The following RASSF8 variants were observed in gnomAD, a reference collection of about 807,000 sequenced individuals.
RASSF8 encodes ras association domain-containing protein 8.
A neutral mutation model predicts 48.5 loss-of-function variants in RASSF8; 22 were observed. The ratio of observed to expected loss-of-function variants is 0.45; its 90% CI spans 0.32 to 0.65. The LOEUF is 0.65. RASSF8 is among the 30% of genes least tolerant of loss of function. The pLI is 0.03. For synonymous variants in RASSF8, 127 were observed against 171.5 expected (o/e 0.74, Z 2.03); for missense variants, 418 against 489.2 (o/e 0.85, Z 1.37).
rs549477263 is a variant in RASSF8 at position 25,987,021 on chromosome 12, G to T, written c.-202-8016G>T. 3.5e-3 allele frequency among the ~76,000 whole-genome samples: 476 copies of T among 135,850 alleles called. 5 individuals are homozygous for T. Among genetic ancestry groups the T allele is most frequent in the African/African-American group, 0.013 (452 of 34,282 alleles). 89.1% of individuals were successfully genotyped at this position (135,850 alleles called of 152,430 possible). Reference sequence around the variant, plus strand: ...CGCAATCTCAGCTCACCGCAACCTCGCCTCCCGGGTTCAAGCGATTCTCGT... The same window carrying T: ...CGCAATCTCAGCTCACCGCAACCTCTCCTCCCGGGTTCAAGCGATTCTCGT... On this transcript the variant is annotated intron_variant, in intron 1 of 5. Transcript: ENST00000689635.
chr12:26,071,753 C>CA lies in RASSF8; in HGVS notation c.*2938dup, dbSNP rs2137343570. The CA allele has an allele frequency of 1.0e-6, 1 of 983,430 alleles. No individual in the cohort carries two copies. Among genetic ancestry groups the CA allele is most frequent in the Non-Finnish European group, 1.2e-6 (1 of 828,384 alleles). The allele number at this position is 983,430 out of a possible 1,614,324, so 60.9% of individuals were successfully genotyped here. On this transcript the variant is annotated 3_prime_UTR_variant, in exon 6 of 6. Transcript: ENST00000689635. Reference sequence around the variant, plus strand: ...GAGGTAATCATCAATTCCTATAGTTCAAATTAGTCATAAACAAGAGCTACA... The same window carrying CA: ...GAGGTAATCATCAATTCCTATAGTTCAAAATTAGTCATAAACAAGAGCTACA...
chr12:25,996,682 G>A (rs940040104), intron 2 of RASSF8, among the ~76,000 whole-genome samples: 2 of 152,150 alleles, frequency 1.3e-5, no homozygotes, highest in African/African-American at 4.8e-5. Flanking sequence ...ACAGTACAAA[G>A]AGACGCCTTT....
At chr12:25,966,469 C>T (rs1400171111) in intron 1 of RASSF8, among the ~76,000 whole-genome samples, 3 of 152,098 alleles carry the variant, frequency 2.0e-5, no homozygotes, top group Non-Finnish European at 2.9e-5. Context: ...CTTGGCCTCC[C>T]GGTGTTGAGA....
At chr12:25,968,688 G>A (rs1018561662) in intron 1 of RASSF8, among the ~76,000 whole-genome samples, 7 of 152,140 alleles carry the variant, frequency 4.6e-5, no homozygotes, top group Non-Finnish European at 7.4e-5. Context: ...CAAACTGCAT[G>A]CCCCTCCATG....
chr12:26,027,912 G>T (rs1013234795), intron 2 of RASSF8, among the ~76,000 whole-genome samples: 2 of 152,156 alleles, frequency 1.3e-5, no homozygotes, highest in African/African-American at 4.8e-5. Context: ...GAGAAGCCAT[G>T]GAAAACGGGA....
chr12:26,051,270 C>T (rs7965778), intron 2 of RASSF8, among the ~76,000 whole-genome samples: 1,985 of 152,208 alleles, frequency 0.013, 44 homozygotes, highest in African/African-American at 0.046. Context: ...TTTATTTCCA[C>T]AATTGCCAAA....
chr12:26,036,795 A>G (rs947533315), intron 2 of RASSF8, among the ~76,000 whole-genome samples: 18 of 152,124 alleles, frequency 1.2e-4, no homozygotes, highest in African/African-American at 4.3e-4. Flanking sequence ...TTGGTGGCAC[A>G]CGCCCAGCTA....
chr12:26,069,636 G>A lies in RASSF8; in HGVS notation c.*818G>A. The A allele has an allele frequency of 1.0e-6, 1 of 985,370 alleles. No homozygotes were observed. The highest frequency in any genetic ancestry group is 1.2e-6 in the Non-Finnish European group (1 of 829,896). 61.0% of individuals were successfully genotyped at this position (985,370 alleles called of 1,614,324 possible). A position where few individuals can be genotyped will look rare whatever the true frequency, so the allele number is the denominator to read the frequency against. On this transcript the variant is annotated 3_prime_UTR_variant, in exon 6 of 6. Coordinates refer to ENST00000689635, the MANE Select transcript of RASSF8 (RefSeq NM_001394098.1). ...ACATTATGTGTTTTGTTTCTGCCCT[G>A]TCTTATCATTTACACTCATGGATCT... is the stretch of plus-strand genomic sequence containing the variant.
chr12:26,064,469 G>C (rs772805050), intron 3 of RASSF8, 29 bp from the exon 4 acceptor site: 6 of 1,491,276 alleles, frequency 4.0e-6, no homozygotes, highest in Non-Finnish European at 5.4e-6. Context: ...ATCCCATTTT[G>C]ACAAGTTATT....
exon 6 of RASSF8, chr12:26,079,103 G>A: frequency 2.7e-6 from 4 of 1,491,832 alleles, no homozygotes; most frequent in Non-Finnish European, 2.7e-6. Flanking sequence ...GGCAAGAAAA[G>A]CAAAAATGAA....
Position 26,072,504 on chromosome 12 carries a change from A to G in RASSF8, c.*3686A>G. The G allele has an allele frequency of 1.0e-6, 1 of 971,010 alleles. No individual in the cohort carries two copies. Among genetic ancestry groups the G allele is most frequent in the Non-Finnish European group, 1.2e-6 (1 of 816,844 alleles). The allele number at this position is 971,010 out of a possible 1,614,324, so 60.1% of individuals were successfully genotyped here. ...AATTATATTAAACCAGCAGAAATATAAAGGCAATAAAGTATATACATATAT... is the reference window on the plus strand; with the variant it reads ...AATTATATTAAACCAGCAGAAATATGAAGGCAATAAAGTATATACATATAT... On this transcript the variant is annotated 3_prime_UTR_variant, in exon 6 of 6. Transcript: ENST00000689635.
chr12:26,074,603 A>C (rs1944055256), downstream of RASSF8, among the ~76,000 whole-genome samples: 1 of 151,916 alleles, frequency 6.6e-6, no homozygotes, highest in South Asian at 2.1e-4. Context: ...TCGTCCTCCC[A>C]AAATGCTGGG....
intron 2 of RASSF8, among the ~76,000 whole-genome samples, chr12:26,021,724 G>C (rs1942791595): frequency 6.6e-6 from 1 of 152,134 alleles, no homozygotes; most frequent in African/African-American, 2.4e-5. Context: ...ACTGAGAAAG[G>C]CAAGCCAAGA....
intron 2 of RASSF8, among the ~76,000 whole-genome samples, chr12:26,034,160 TG>T (rs1943082942): frequency 1.3e-5 from 2 of 151,516 alleles, no homozygotes; most frequent in South Asian, 2.1e-4. Flanking sequence ...TGGAGTGAGG[TG>T]GGCAAATGGT....
chr12:25,960,204 C>T (rs1592204822), intron 1 of RASSF8, among the ~76,000 whole-genome samples: 4 of 152,270 alleles, frequency 2.6e-5, no homozygotes. Context: ...AGATTAACCA[C>T]TCATTCTGGT....
intron 2 of RASSF8, among the ~76,000 whole-genome samples, chr12:26,009,979 T>C (rs80319300): frequency 0.033 from 5,090 of 152,308 alleles, 99 homozygotes; most frequent in African/African-American, 0.045. Context: ...ATTTATTCTT[T>C]GATTGAAAAG....
At position 26,071,287 on chromosome 12, in the gene RASSF8, C is replaced by G; in HGVS notation, c.*2469C>G. ...CAAATGAATTAGATAAGTGCCACAT[C>G]CTGGATACATTTCGGAGGGGTAGTG... On this transcript the variant is annotated 3_prime_UTR_variant, in exon 6 of 6. Coordinates refer to ENST00000689635, the MANE Select transcript of RASSF8 (RefSeq NM_001394098.1). The G allele has an allele frequency of 1.0e-6, 1 of 983,500 alleles. No individual in the cohort carries two copies. Among genetic ancestry groups the G allele is most frequent in the South Asian group, 4.7e-5 (1 of 21,232 alleles). 60.9% of individuals were successfully genotyped at this position (983,500 alleles called of 1,614,324 possible). A position where few individuals can be genotyped will look rare whatever the true frequency, so the allele number is the denominator to read the frequency against.
chr12:26,057,100 T>TTGTGTGTG (rs57510363), intron 3 of RASSF8, among the ~76,000 whole-genome samples: 18,108 of 128,826 alleles, frequency 0.14, 1,244 homozygotes, highest in Non-Finnish European at 0.19. Context: ...AATGACACTT[T>TTGTGTGTG]TGTGTGTGTG....
chr12:26,009,939 G>A (rs1942482686), intron 2 of RASSF8, among the ~76,000 whole-genome samples: 1 of 152,224 alleles, frequency 6.6e-6, no homozygotes, highest in South Asian at 2.1e-4. Context: ...TCAGAAGAAG[G>A]CTGTTGTGTT....
Sources: allele counts gnomAD v4.1 joint callset (sites outside exome capture counted in the v4.1 genomes callset), GRCh38; gene constraint gnomAD v4.1.1; transcripts MANE v1.5; gene names NCBI Gene and HGNC (gene_info 2026-07-23, HGNC 2026-07-21).